The following PKD1L3 variants were observed in gnomAD, a reference collection of about 807,000 sequenced individuals.
PKD1L3 encodes the protein polycystin 1 like 3, transient receptor potential channel interacting, also known as polycystin-1-like protein 3.
Under a neutral mutation model 184.1 loss-of-function variants are expected in PKD1L3, and 239 were observed. That is an observed-to-expected ratio of 1.30 (90% CI 1.17 to 1.45). PKD1L3 has a LOEUF of 1.45. PKD1L3 is among the 40% of genes most tolerant of loss of function. The pLI is 0.00. For synonymous variants in PKD1L3, 996 were observed against 778.8 expected, an observed-to-expected ratio of 1.28 and a Z score of -4.64; for missense variants, 2,660 against 2,067.2, an observed-to-expected ratio of 1.29 and a Z score of -5.56.
intron 25 of PKD1L3, among the ~76,000 whole-genome samples, 183 bp from the exon 26 acceptor site, chr16:71,935,701 T>C (rs1469661079): frequency 2.0e-5 from 3 of 152,250 alleles, no homozygotes; most frequent in Non-Finnish European, 4.4e-5. Flanking sequence ...GAAATGCTGC[T>C]TACAAAAAAG....
intron 15 of PKD1L3, among the ~76,000 whole-genome samples, chr16:71,966,237 T>C (rs1322356308): frequency 6.6e-6 from 1 of 152,154 alleles, no homozygotes; most frequent in Admixed American, 6.5e-5. Flanking sequence ...GTAATCCTCA[T>C]TCTTAATTAA....
chr16:71,996,392 C>A (rs2040785608), intron 2 of PKD1L3, among the ~76,000 whole-genome samples: 1 of 151,606 alleles, frequency 6.6e-6, no homozygotes, highest in Non-Finnish European at 1.5e-5. Flanking sequence ...TCCTGAGTAC[C>A]TGGGACTACA....
At chr16:71,992,202 G>C (rs774840195) in intron 3 of PKD1L3, among the ~76,000 whole-genome samples, 1 of 152,068 alleles carries the variant, frequency 6.6e-6, no homozygotes, top group African/African-American at 2.4e-5. Context: ...AGGACCCTAC[G>C]TACATAAATA....
intron 10 of PKD1L3, among the ~76,000 whole-genome samples, chr16:71,977,970 C>T (rs886724353): frequency 6.6e-6 from 1 of 151,816 alleles, no homozygotes; most frequent in Non-Finnish European, 1.5e-5. Context: ...GATGGGGTTT[C>T]ACTATGTTGG....
chr16:71,947,650 C>T (rs1200976401), intron 21 of PKD1L3, 59 bp from the exon 22 acceptor site: 44 of 1,178,390 alleles, frequency 3.7e-5, no homozygotes, highest in Non-Finnish European at 5.1e-5. Context: ...GAAGATAATA[C>T]CGTATGTAAA....
At position 71,951,635 on chromosome 16, in the gene PKD1L3, A is replaced by T; in HGVS notation, c.3119T>A (p.Leu1040Ter). 6.4e-7 allele frequency: 1 copy of T among 1,551,762 alleles called. No individual in the cohort carries two copies. The highest frequency in any genetic ancestry group is 8.7e-7 in the Non-Finnish European group (1 of 1,147,006). Residue 1040 changes from leucine (L) to a stop codon, truncating the protein, a stop_gained, in exon 19 of 30, where the codon TTA (leucine) becomes TAA (stop). Transcript: ENST00000620267. LOFTEE classifies it high-confidence loss of function. ...CAAGTGAGATGATACGAGGCTGGAT[A>T]AAAGTTTCACCAGCTTAGTAATGTC... ...SWDITKLVKL[L>*]SSLVSSHLEG...
intron 29 of PKD1L3, 62 bp from the exon 30 acceptor site, chr16:71,929,740 A>G: frequency 7.2e-7 from 1 of 1,386,428 alleles, no homozygotes; most frequent in Non-Finnish European, 9.7e-7. Flanking sequence ...ATAGTGGAGT[A>G]AAAAAAGTAC....
chr16:71,960,781 G>C (rs1216862111), intron 16 of PKD1L3, among the ~76,000 whole-genome samples: 2 of 152,092 alleles, frequency 1.3e-5, no homozygotes, highest in Non-Finnish European at 1.5e-5. Context: ...TAGAACTTTG[G>C]ATGCAATGGT....
rs757852128 is a variant in PKD1L3, at chr16:71,952,861, A to T, written c.3009+33T>A. The T allele has an allele frequency of 2.7e-6, 4 of 1,470,342 alleles. No individual in the cohort carries two copies. The African/African-American group carries it at 5.7e-5, about 21-fold the overall frequency. 91.1% of individuals were successfully genotyped at this position (1,470,342 alleles called of 1,614,324 possible). On this transcript the variant is annotated intron_variant, in intron 18 of 29. Transcript: ENST00000620267. The stretch of plus-strand genomic sequence containing the variant: ...TCAAAACAAACAAGCAGGCAATAAA[A>T]TAAGATAAAATAAAATTTGATACCA...
intron 25 of PKD1L3, among the ~76,000 whole-genome samples, chr16:71,936,759 A>C (rs1301309966): frequency 6.6e-6 from 1 of 152,116 alleles, no homozygotes; most frequent in African/African-American, 2.4e-5. Context: ...CTTGAACTAC[A>C]GGCATGAGCC....
intron 4 of PKD1L3, among the ~76,000 whole-genome samples, chr16:71,988,433 G>C (rs1458926367): frequency 6.6e-6 from 1 of 152,154 alleles, no homozygotes; most frequent in Non-Finnish European, 1.5e-5. Flanking sequence ...GGCCTCAAGT[G>C]ATCCACCCAC....
rs1277379240 is a variant in PKD1L3 at position 71,982,190 on chromosome 16, T to A, written c.1012A>T (p.Arg338Trp). ...SLIYLSEELL[R>W]IPFQNNNSLG... ...CTGTTGTTGTTCTGAAATGGGATCC[T>A]GAGTAACTCCTCACTCAGGTAAATA... is the stretch of plus-strand genomic sequence containing the variant. Residue 338 changes from arginine (R) to tryptophan (W), a missense_variant, in exon 7 of 30, where the codon AGG becomes TGG. Transcript: ENST00000620267. 8 of 1,550,012 alleles carry A rather than the reference T, an allele frequency of 5.2e-6. No homozygotes were observed. In the East Asian group the frequency reaches 1.7e-4, roughly 33 times the overall value.
chr16:71,992,373 T>A (rs1462471809), intron 3 of PKD1L3, among the ~76,000 whole-genome samples: 2 of 152,190 alleles, frequency 1.3e-5, no homozygotes, highest in Non-Finnish European at 2.9e-5. Context: ...GTAATTTAGT[T>A]TTACTATGAC....
At position 71,984,173 on chromosome 16, in the gene PKD1L3, G is replaced by A. The variant is rs1167046713; in HGVS notation, c.835-6C>T. ...CCTGCTATCTCATCTATGACCTATT[G>A]GGAACAAAGAAGTTGTCAAAATTAC... On this transcript the variant is annotated splice_region_variant and splice_polypyrimidine_tract_variant and intron_variant, in intron 5 of 29. Transcript: ENST00000620267. 2 of 1,550,406 alleles carry A rather than the reference G, an allele frequency of 1.3e-6. No individual in the cohort carries two copies. The highest frequency in any genetic ancestry group is 8.7e-7 in the Non-Finnish European group (1 of 1,146,246).
chr16:71,930,278 G>T, intron 28 of PKD1L3, 95 bp from the exon 29 acceptor site: 1 of 1,284,580 alleles, frequency 7.8e-7, no homozygotes, highest in Non-Finnish European at 1.0e-6. Flanking sequence ...CTTATCAGAA[G>T]AAAAGCTTAT....
In PKD1L3 at chr16:71,986,356, T is replaced by C; in HGVS notation, c.699A>G (p.Thr233=). Residue 233 remains threonine (T), a synonymous_variant, in exon 5 of 30, where the codon ACA becomes ACG. Coordinates refer to ENST00000620267, the MANE Select transcript of PKD1L3 (RefSeq NM_181536.2). ...TGACAGACACGGGCATGGTGAGCTGTGTTATCACAGGGAGAGGCTGGCTGC... is the reference window on the plus strand; with the variant it reads ...TGACAGACACGGGCATGGTGAGCTGCGTTATCACAGGGAGAGGCTGGCTGC... ...EPSSQPLPVI[T]QLTMPVSVTH... is the part of the protein sequence containing the mutation. The C allele has an allele frequency of 1.3e-6, 2 of 1,551,448 alleles. No homozygotes were observed. The highest frequency in any genetic ancestry group is 1.7e-6 in the Non-Finnish European group (2 of 1,146,554).
At chr16:71,964,590 T>C (rs559765461) in intron 15 of PKD1L3, among the ~76,000 whole-genome samples, 2 of 151,784 alleles carry the variant, frequency 1.3e-5, no homozygotes, top group Non-Finnish European at 2.9e-5. Flanking sequence ...CTGCCCGCCC[T>C]GGCCTCCCAA....
chr16:71,948,518 G>A (rs1322475618), intron 21 of PKD1L3, among the ~76,000 whole-genome samples: 1 of 152,136 alleles, frequency 6.6e-6, no homozygotes, highest in Non-Finnish European at 1.5e-5. Context: ...ACTGCGCCCA[G>A]CCACTATGGA....
chr16:71,977,135 C>A, intron 11 of PKD1L3, 101 bp downstream of exon 11: 1 of 883,796 alleles, frequency 1.1e-6, no homozygotes, highest in Non-Finnish European at 1.8e-6. Context: ...ATCCCCTGAG[C>A]CTGACAGTTT....
Sources: gnomAD v4.1 joint callset for allele counts (sites outside exome capture counted in the v4.1 genomes callset) on GRCh38, gnomAD v4.1.1 for gene constraint, MANE v1.5 for transcripts, NCBI Gene and HGNC (gene_info 2026-07-23, HGNC 2026-07-21) for gene names.